Variants in SEMA6D observed in about 807,000 individuals in gnomAD.
The protein encoded by SEMA6D is semaphorin-6D.
A neutral mutation model predicts 106.6 loss-of-function variants in SEMA6D; 35 were observed. The ratio of observed to expected loss-of-function variants is 0.33; its 90% confidence interval spans 0.25 to 0.44. The LOEUF (loss-of-function observed/expected upper bound fraction) is 0.44, where lower values mean the gene tolerates loss of function less well. Among genes scored for constraint, SEMA6D ranks in the 20% least tolerant of loss-of-function variants. The pLI is 1.00. For synonymous variants in SEMA6D, 499 were observed against 487.7 expected, an observed-to-expected ratio of 1.02 and a Z score of -0.31; for missense variants, 1,185 against 1,345.9, an observed-to-expected ratio of 0.88 and a Z score of 1.87.
At chr15:47,697,556 A>C (rs1246379131) in intron 4 of SEMA6D, among the ~76,000 whole-genome samples, 10 of 152,186 alleles carry the variant, frequency 6.6e-5, no homozygotes, top group Admixed American at 6.5e-4. Context: ...TTACTTCTAA[A>C]TTCCAATTAT....
chr15:47,436,024 A>C (rs549211055), intron 2 of SEMA6D, among the ~76,000 whole-genome samples: 2 of 152,122 alleles, frequency 1.3e-5, no homozygotes, highest in Non-Finnish European at 2.9e-5. Flanking sequence ...TGAGTGTTTC[A>C]GCACTTTGGT....
chr15:47,291,436 TCACCTGCAGATGG>T (rs1466396562), intron 1 of SEMA6D, among the ~76,000 whole-genome samples: 1 of 152,202 alleles, frequency 6.6e-6, no homozygotes, highest in East Asian at 1.9e-4. Context: ...CACTGGACTC[TCACCTGCAGATGG>T]CATCTAGGAT....
At chr15:47,416,915 C>A (rs934074105) in intron 2 of SEMA6D, among the ~76,000 whole-genome samples, 1 of 152,042 alleles carries the variant, frequency 6.6e-6, no homozygotes, top group Non-Finnish European at 1.5e-5. Context: ...TGCAATGGTC[C>A]CATCTATCAC....
intron 4 of SEMA6D, among the ~76,000 whole-genome samples, chr15:47,684,507 A>G (rs1181928741): frequency 2.0e-5 from 3 of 152,194 alleles, no homozygotes; most frequent in Non-Finnish European, 4.4e-5. Context: ...GCACAGAGAC[A>G]TGATATAGAA....
intron 1 of SEMA6D, among the ~76,000 whole-genome samples, chr15:47,370,590 A>G (rs1595850562): frequency 6.6e-6 from 1 of 151,030 alleles, no homozygotes; most frequent in Non-Finnish European, 1.5e-5. Context: ...CACGCCTGTA[A>G]TCCTAGCATT....
chr15:47,677,982 T>C (rs2145528527), intron 4 of SEMA6D, among the ~76,000 whole-genome samples: 1 of 151,952 alleles, frequency 6.6e-6, no homozygotes, highest in Admixed American at 6.5e-5. Context: ...AAAAAGGGAG[T>C]GTGAAAATGG....
At chr15:47,328,285 G>A (rs1368531336) in intron 1 of SEMA6D, among the ~76,000 whole-genome samples, 6 of 152,164 alleles carry the variant, frequency 3.9e-5, no homozygotes, top group South Asian at 4.1e-4. Flanking sequence ...CCAAGTTGAC[G>A]TGAATTCTAA....
At chr15:47,647,847 A>G (rs2077611565) in intron 4 of SEMA6D, among the ~76,000 whole-genome samples, 1 of 152,190 alleles carries the variant, frequency 6.6e-6, no homozygotes, top group Non-Finnish European at 1.5e-5. Context: ...GCTCAGAAAC[A>G]AAGCTGTGGA....
chr15:47,565,006 G>A (rs1566894232), intron 3 of SEMA6D, among the ~76,000 whole-genome samples: 2 of 152,100 alleles, frequency 1.3e-5, no homozygotes, highest in Non-Finnish European at 2.9e-5. Context: ...CCCACTGAGA[G>A]CAACTTTCAC....
intron 1 of SEMA6D, among the ~76,000 whole-genome samples, chr15:47,229,554 T>C (rs972403924): frequency 6.6e-6 from 1 of 152,082 alleles, no homozygotes; most frequent in African/African-American, 2.4e-5. Flanking sequence ...TTATTTCCCA[T>C]TTGTCTGCTG....
chr15:47,617,906 G>A (rs1250860860), intron 4 of SEMA6D, among the ~76,000 whole-genome samples: 1 of 152,188 alleles, frequency 6.6e-6, no homozygotes, highest in Non-Finnish European at 1.5e-5. Context: ...TCCTCCAACT[G>A]ATATTTCACT....
intron 3 of SEMA6D, chr15:47,581,417 A>G (rs754544132): frequency 8.2e-6 from 4 of 485,806 alleles, no homozygotes; most frequent in African/African-American, 2.0e-5. Context: ...GTTTGAGAAA[A>G]GTAAATCAGG....
intron 3 of SEMA6D, among the ~76,000 whole-genome samples, chr15:47,471,584 G>A (rs2042839582): frequency 6.6e-6 from 1 of 152,116 alleles, no homozygotes; most frequent in Non-Finnish European, 1.5e-5. Flanking sequence ...TCTCCTGTGA[G>A]GGTCTGCACC....
intron 4 of SEMA6D, among the ~76,000 whole-genome samples, chr15:47,607,295 G>A (rs1459810859): frequency 6.6e-6 from 1 of 152,066 alleles, no homozygotes; most frequent in African/African-American, 2.4e-5. Context: ...GACCAATATG[G>A]TTAGATCACA....
At chr15:47,595,133 A>G (rs781259641) in intron 3 of SEMA6D, among the ~76,000 whole-genome samples, 1 of 152,228 alleles carries the variant, frequency 6.6e-6, no homozygotes, top group African/African-American at 2.4e-5. Flanking sequence ...ATGTTGGTCT[A>G]GTAAAAAAGA....
At chr15:47,284,529 CT>C in intron 1 of SEMA6D, among the ~76,000 whole-genome samples, 1 of 152,254 alleles carries the variant, frequency 6.6e-6, no homozygotes, top group East Asian at 1.9e-4. Flanking sequence ...TGAGATTCCA[CT>C]ATAAATTTTC....
At chr15:47,744,725 C>T (rs982891842) in intron 1 of SEMA6D, among the ~76,000 whole-genome samples, 18 of 152,282 alleles carry the variant, frequency 1.2e-4, no homozygotes, top group East Asian at 5.8e-4. Flanking sequence ...TCAGAGGCAG[C>T]GATCGCGCAC....
intron 18 of SEMA6D, among the ~76,000 whole-genome samples, chr15:47,769,328 C>G (rs920623912): frequency 6.6e-6 from 1 of 152,132 alleles, no homozygotes; most frequent in African/African-American, 2.4e-5. Flanking sequence ...AAAAAAAAAT[C>G]TATTCTTTAG....
At chr15:47,254,875 T>TTGTGTGTGTGTGTG (rs58271041) in intron 1 of SEMA6D, among the ~76,000 whole-genome samples, 5,565 of 134,258 alleles carry the variant, frequency 0.041, 176 homozygotes, top group Middle Eastern at 0.069. Context: ...ACCTGTGGTT[T>TTGTGTGTGTGTGTG]TGTGTGTGTG....
Sources: allele counts gnomAD v4.1 joint callset (sites outside exome capture counted in the v4.1 genomes callset), GRCh38; gene constraint gnomAD v4.1.1; transcripts MANE v1.5; gene names NCBI Gene and HGNC (gene_info 2026-07-23, HGNC 2026-07-21).